PARD3B: variants seen among roughly 807,000 people sequenced by gnomAD.
The protein encoded by PARD3B is partitioning defective 3 homolog B.
PARD3B carries 103 observed loss-of-function variants against 130.2 expected under a neutral mutation model. That is an observed-to-expected ratio of 0.79 (90% CI 0.67 to 0.93). The LOEUF is 0.93. PARD3B is among the 40% of genes least tolerant of loss of function. The pLI is 0.00. For synonymous variants in PARD3B, 583 were observed against 553.2 expected (o/e 1.05, Z -0.76); for missense variants, 1,609 against 1,499.2 (o/e 1.07, Z -1.21).
intron 2 of PARD3B, among the ~76,000 whole-genome samples, chr2:204,750,814 G>C (rs562096937): frequency 6.6e-6 from 1 of 152,254 alleles, no homozygotes; most frequent in Non-Finnish European, 1.5e-5. Flanking sequence ...TTTTTAAAGT[G>C]TGAGCACACA....
At chr2:204,864,467 A>G (rs903195113) in intron 2 of PARD3B, among the ~76,000 whole-genome samples, 3 of 152,166 alleles carry the variant, frequency 2.0e-5, no homozygotes, top group Admixed American at 6.5e-5. Context: ...CTTTCTTGCT[A>G]GAACTAATGC....
Position 205,035,570 on chromosome 2 carries a change from C to T in PARD3B, c.395-12011C>T, listed in dbSNP as rs555487631. Among the ~76,000 whole-genome samples, 128 of 151,788 alleles carry T rather than the reference C, an allele frequency of 8.4e-4. No individual in the cohort carries two copies. In the East Asian group the frequency reaches 0.024, roughly 28 times the overall value. ...CATACTTACAGTACTGGTGCAAAAA[C>T]AGCACAGCCACATCATTACTTCACC... On this transcript the variant is annotated intron_variant, in intron 3 of 22. Coordinates refer to ENST00000406610, the MANE Select transcript of PARD3B (RefSeq NM_001302769.2).
At chr2:204,893,502 C>A (rs1056695272) in intron 2 of PARD3B, among the ~76,000 whole-genome samples, 3 of 152,022 alleles carry the variant, frequency 2.0e-5, no homozygotes, top group Non-Finnish European at 2.9e-5. Context: ...TTTAAAGATT[C>A]TAAAGCTGTG....
intron 2 of PARD3B, among the ~76,000 whole-genome samples, chr2:204,936,680 CAA>C (rs1363747403): frequency 2.0e-5 from 3 of 152,198 alleles, no homozygotes; most frequent in Non-Finnish European, 4.4e-5. Context: ...AGTTCACAGT[CAA>C]TCTCTTAACC....
intron 18 of PARD3B, among the ~76,000 whole-genome samples, chr2:205,356,393 C>G (rs1407260902): frequency 6.6e-6 from 1 of 151,602 alleles, no homozygotes; most frequent in Non-Finnish European, 1.5e-5. Context: ...GCTCTGTCAC[C>G]CAGGCTGGAG....
At chr2:205,261,619 G>A (rs557896404) in intron 16 of PARD3B, among the ~76,000 whole-genome samples, 18 of 152,196 alleles carry the variant, frequency 1.2e-4, no homozygotes, top group Middle Eastern at 3.4e-3. Flanking sequence ...AGTCTGAAAT[G>A]GAAAATTCCT....
intron 16 of PARD3B, among the ~76,000 whole-genome samples, chr2:205,296,663 A>ACGTGTG (rs1419782888): frequency 1.5e-5 from 2 of 137,928 alleles, no homozygotes; most frequent in African/African-American, 5.2e-5. Flanking sequence ...GTGTTTGTGT[A>ACGTGTG]TGTGTGTGTG....
At chr2:205,013,378 C>G (rs1435486109) in intron 3 of PARD3B, among the ~76,000 whole-genome samples, 1 of 152,002 alleles carries the variant, frequency 6.6e-6, no homozygotes, top group Admixed American at 6.6e-5. Flanking sequence ...CCCCTTCAGA[C>G]TTGTATATAA....
At chr2:204,963,034 A>T (rs1007508525) in intron 2 of PARD3B, among the ~76,000 whole-genome samples, 1 of 152,236 alleles carries the variant, frequency 6.6e-6, no homozygotes, top group Admixed American at 6.5e-5. Context: ...AATTACAGAC[A>T]GTAGACAGTC....
chr2:205,057,493 G>A (rs1421570852), intron 4 of PARD3B, among the ~76,000 whole-genome samples: 1 of 142,182 alleles, frequency 7.0e-6, no homozygotes, highest in African/African-American at 2.7e-5. Flanking sequence ...ATGTGTATAT[G>A]TATATATACA....
At chr2:205,154,281 C>A (rs1475773093) in intron 10 of PARD3B, among the ~76,000 whole-genome samples, 4 of 152,154 alleles carry the variant, frequency 2.6e-5, no homozygotes, top group African/African-American at 4.8e-5. Flanking sequence ...ATGTAGCCAA[C>A]AGACACATGA....
In PARD3B at chr2:204,782,254, TGAGA is replaced by T. The variant is rs138870062; in HGVS notation, c.222+95975_222+95978del. Reference sequence around the variant, plus strand: ...AACTGTCTGCCACACTGCATATGCATGAGAGAATGTTTTTTATATCAGTAATTCA... The same window carrying T: ...AACTGTCTGCCACACTGCATATGCATGAATGTTTTTTATATCAGTAATTCA... On this transcript the variant is annotated intron_variant, in intron 2 of 22. Coordinates refer to ENST00000406610, the MANE Select transcript of PARD3B (RefSeq NM_001302769.2). Among the ~76,000 whole-genome samples, 433 of 152,120 alleles carry T rather than the reference TGAGA, an allele frequency of 2.8e-3. 2 individuals carry two copies. Among genetic ancestry groups the T allele is most frequent in the African/African-American group, 9.6e-3 (399 of 41,530 alleles).
intron 2 of PARD3B, among the ~76,000 whole-genome samples, chr2:204,962,508 T>C (rs1172096510): frequency 6.6e-6 from 1 of 152,144 alleles, no homozygotes; most frequent in South Asian, 2.1e-4. Context: ...GGGAAGGCCA[T>C]TTCCATGCAC....
intron 2 of PARD3B, among the ~76,000 whole-genome samples, chr2:204,770,741 C>T (rs78240431): frequency 6.6e-6 from 1 of 152,138 alleles, no homozygotes; most frequent in East Asian, 1.9e-4. Flanking sequence ...TCCCCTGGCA[C>T]TTCTAGAACC....
chr2:204,609,282 A>G (rs956688137), intron 1 of PARD3B, among the ~76,000 whole-genome samples: 3 of 152,180 alleles, frequency 2.0e-5, no homozygotes, highest in Admixed American at 1.3e-4. Context: ...GGAAAATGGC[A>G]TCTCGGAAGG....
At chr2:205,124,532 C>CCA in intron 9 of PARD3B, 66 bp downstream of exon 9, 2 of 1,218,250 alleles carry the variant, frequency 1.6e-6, no homozygotes, top group Non-Finnish European at 2.2e-6. Context: ...CATTTAATTG[C>CCA]ATTGAAATAT....
At chr2:205,416,968 T>C (rs552696116) in intron 19 of PARD3B, among the ~76,000 whole-genome samples, 99 of 152,260 alleles carry the variant, frequency 6.5e-4, no homozygotes, top group African/African-American at 2.3e-3. Flanking sequence ...CTAGGGTACA[T>C]GTGCACAACG....
intron 22 of PARD3B, among the ~76,000 whole-genome samples, chr2:205,574,737 C>T (rs1374973144): frequency 6.6e-6 from 1 of 151,588 alleles, no homozygotes; most frequent in Non-Finnish European, 1.5e-5. Flanking sequence ...ATGAGAATTC[C>T]TGGGCTAAGA....
At chr2:205,560,985 T>G (rs2053112285) in intron 22 of PARD3B, among the ~76,000 whole-genome samples, 1 of 152,248 alleles carries the variant, frequency 6.6e-6, no homozygotes, top group Non-Finnish European at 1.5e-5. Context: ...AGTTGGTTCA[T>G]TTTATTGGTC....
Sources: allele counts gnomAD v4.1 joint callset (sites outside exome capture counted in the v4.1 genomes callset), GRCh38; gene constraint gnomAD v4.1.1; transcripts MANE v1.5; gene names NCBI Gene and HGNC (gene_info 2026-07-23, HGNC 2026-07-21).